CYP2C8: variants seen among roughly 807,000 people sequenced by gnomAD.
The protein encoded by CYP2C8 is cytochrome P450 2C8.
A neutral mutation model predicts 41.3 loss-of-function variants in CYP2C8; 51 were observed. The ratio of observed to expected loss-of-function variants is 1.24; its 90% CI spans 0.99 to 1.56. The LOEUF (loss-of-function observed/expected upper bound fraction) is 1.56, where lower values mean the gene tolerates loss of function less well. CYP2C8 is among the 40% of genes most tolerant of loss of function. The probability of loss-of-function intolerance (pLI) is 0.00; values close to 1 mark genes in which losing one functional copy is unlikely to be tolerated. For missense variants in CYP2C8, 651 were observed against 579.9 expected (o/e 1.12, Z -1.26); for synonymous variants, 218 against 205.8 (o/e 1.06, Z -0.51).
chr10:95,061,875 T>C (rs1447087694), intron 4 of CYP2C8, among the ~76,000 whole-genome samples: 1 of 152,232 alleles, frequency 6.6e-6, no homozygotes, highest in Non-Finnish European at 1.5e-5. Context: ...ACATCTTTAT[T>C]TCTGCCTTCA....
At chr10:95,056,980 A>G (rs910253666) in intron 5 of CYP2C8, among the ~76,000 whole-genome samples, 7 of 152,202 alleles carry the variant, frequency 4.6e-5, no homozygotes, top group Admixed American at 3.3e-4. Context: ...GAGCAGGGCT[A>G]TGATATAGGC....
Position 95,037,086 on chromosome 10 carries a change from T to C in CYP2C8, c.*42A>G, listed in dbSNP as rs772241285. The C allele has an allele frequency of 6.4e-7, 1 of 1,569,880 alleles. No individual in the cohort carries two copies. Among genetic ancestry groups the C allele is most frequent in the Admixed American group, 1.7e-5 (1 of 59,830 alleles). On this transcript the variant is annotated 3_prime_UTR_variant, in exon 9 of 9. Coordinates refer to ENST00000371270, the MANE Select transcript of CYP2C8 (RefSeq NM_000770.3). ...GGAATGTCCTTGATAAAAAAAGAGT[T>C]GCAGGTGATAGCAGATCGGCAGCCA...
At chr10:95,041,320 G>A (rs1460491320) in intron 7 of CYP2C8, among the ~76,000 whole-genome samples, 1 of 152,198 alleles carries the variant, frequency 6.6e-6, no homozygotes, top group Non-Finnish European at 1.5e-5. Context: ...GGCTGCAGAT[G>A]ACACTGTTAA....
At chr10:95,061,989 G>T (rs928280599) in intron 4 of CYP2C8, among the ~76,000 whole-genome samples, 20 of 152,064 alleles carry the variant, frequency 1.3e-4, no homozygotes, top group African/African-American at 4.8e-4. Flanking sequence ...GTTTGATTGC[G>T]CTGTGGTCTG....
chr10:95,039,327 T>C, intron 7 of CYP2C8: 2 of 400,126 alleles, frequency 5.0e-6, no homozygotes, highest in Non-Finnish European at 9.3e-6. Flanking sequence ...GCCGCTCTAT[T>C]TCATCACTTC....
At chr10:95,039,453 A>T (rs1359959026) in intron 7 of CYP2C8, 1 of 205,600 alleles carries the variant, frequency 4.9e-6, no homozygotes, top group African/African-American at 2.3e-5. Flanking sequence ...ATAAACATGT[A>T]ATCTATTTTA....
intron 5 of CYP2C8, among the ~76,000 whole-genome samples, chr10:95,057,005 C>T (rs1367273953): frequency 6.6e-6 from 1 of 152,130 alleles, no homozygotes; most frequent in East Asian, 1.9e-4. Context: ...AGTAGAAGCT[C>T]AGGGCAGTTT....
chr10:95,053,846 T>C (rs1013549426), intron 5 of CYP2C8, among the ~76,000 whole-genome samples: 4 of 152,122 alleles, frequency 2.6e-5, no homozygotes, highest in Admixed American at 6.6e-5. Flanking sequence ...GACAGGTTGA[T>C]GGGTGCAGCA....
Position 95,062,625 on chromosome 10 carries a change from G to A in CYP2C8, c.642+2175C>T, listed in dbSNP as rs539504009. Among the ~76,000 whole-genome samples the A allele has an allele frequency of 5.2e-4, 79 of 152,112 alleles. 1 individual carries two copies. The highest frequency in any genetic ancestry group is 1.5e-3 in the African/African-American group (63 of 41,524). ...CCAGTCTGTGTCTTTTAATTGGAGC[G>A]TTTAACCCATTTACATTTAAGGTTA... is the stretch of plus-strand genomic sequence containing the variant. On this transcript the variant is annotated intron_variant, in intron 4 of 8. Coordinates refer to ENST00000371270, the MANE Select transcript of CYP2C8 (RefSeq NM_000770.3).
At chr10:95,039,178 G>T in intron 7 of CYP2C8, 140 bp from the exon 8 acceptor site, 3 of 769,358 alleles carry the variant, frequency 3.9e-6, no homozygotes, top group Non-Finnish European at 4.5e-6. Context: ...TTACATGGAT[G>T]AGCTTAAGGC....
chr10:95,066,240 G>A (rs2033565713), intron 3 of CYP2C8, among the ~76,000 whole-genome samples: 1 of 150,964 alleles, frequency 6.6e-6, no homozygotes, highest in Non-Finnish European at 1.5e-5. Flanking sequence ...CTGCATTTGG[G>A]AGAGTGAATT....
intron 4 of CYP2C8, among the ~76,000 whole-genome samples, chr10:95,062,247 G>A (rs2033452781): frequency 6.6e-6 from 1 of 152,164 alleles, no homozygotes; most frequent in African/African-American, 2.4e-5. Context: ...GGGTGTTAAA[G>A]TCTCCCATTA....
At chr10:95,038,607 G>A (rs1219298961) in intron 8 of CYP2C8, among the ~76,000 whole-genome samples, 1 of 151,984 alleles carries the variant, frequency 6.6e-6, no homozygotes, top group Non-Finnish European at 1.5e-5. Context: ...TTACCTTCTA[G>A]GAGGAGCTCT....
intron 5 of CYP2C8, among the ~76,000 whole-genome samples, chr10:95,051,580 T>C (rs1393732079): frequency 6.6e-6 from 1 of 152,144 alleles, no homozygotes; most frequent in Admixed American, 6.6e-5. Context: ...CTCCCAAAGA[T>C]GTCCTGAATT....
intron 1 of CYP2C8, 94 bp downstream of exon 1, chr10:95,069,141 T>C (rs2033628179): frequency 2.2e-6 from 3 of 1,364,674 alleles, no homozygotes; most frequent in African/African-American, 1.4e-5. Flanking sequence ...TGATCTATTA[T>C]AATAGTGTGC....
At chr10:95,063,038 G>A (rs531779860) in intron 4 of CYP2C8, among the ~76,000 whole-genome samples, 61 of 152,308 alleles carry the variant, frequency 4.0e-4, no homozygotes, top group African/African-American at 1.3e-3. Flanking sequence ...CCCTTTGTGG[G>A]TAACCCGCCC....
intron 4 of CYP2C8, among the ~76,000 whole-genome samples, chr10:95,061,188 A>G (rs1037269175): frequency 2.6e-5 from 4 of 152,064 alleles, no homozygotes; most frequent in African/African-American, 4.8e-5. Flanking sequence ...CTCTTTTTCT[A>G]TTGATTGGAA....
intron 4 of CYP2C8, among the ~76,000 whole-genome samples, chr10:95,060,552 A>T (rs975735717): frequency 6.6e-6 from 1 of 152,128 alleles, no homozygotes; most frequent in African/African-American, 2.4e-5. Flanking sequence ...GGCTGAGATG[A>T]TGGGGTTTTC....
At chr10:95,061,301 T>C (rs1490580063) in intron 4 of CYP2C8, among the ~76,000 whole-genome samples, 1 of 152,246 alleles carries the variant, frequency 6.6e-6, no homozygotes, top group African/African-American at 2.4e-5. Context: ...AGCTGTTAAT[T>C]ATTGCCTCAA....
Sources: gnomAD v4.1 joint callset for allele counts (sites outside exome capture counted in the v4.1 genomes callset) on GRCh38, gnomAD v4.1.1 for gene constraint, MANE v1.5 for transcripts, NCBI Gene and HGNC (gene_info 2026-07-23, HGNC 2026-07-21) for gene names.